Variants in PIK3CB observed in about 807,000 individuals in gnomAD.
PIK3CB encodes the protein phosphatidylinositol 4,5-bisphosphate 3-kinase catalytic subunit beta isoform.
In PIK3CB, 39 loss-of-function variants were observed where a neutral mutation model predicts 136.8. That is an observed-to-expected ratio of 0.29 (90% CI 0.22 to 0.37). PIK3CB has a LOEUF of 0.37. Among genes scored for constraint, PIK3CB ranks in the 10% least tolerant of loss-of-function variants. The pLI, the probability that PIK3CB is intolerant of heterozygous loss-of-function variation, is 1.00. For synonymous variants in PIK3CB, 428 were observed against 436.6 expected, an observed-to-expected ratio of 0.98 and a Z score of 0.25; for missense variants, 868 against 1,275.4, an observed-to-expected ratio of 0.68 and a Z score of 4.87.
intron 19 of PIK3CB, among the ~76,000 whole-genome samples, chr3:138,679,204 A>C (rs1577063433): frequency 6.6e-6 from 1 of 152,246 alleles, no homozygotes; most frequent in Non-Finnish European, 1.5e-5. Flanking sequence ...TGACAAATCA[A>C]AACTGAAGTT....
At chr3:138,767,676 C>T (rs1395555743) in intron 2 of PIK3CB, among the ~76,000 whole-genome samples, 1 of 152,228 alleles carries the variant, frequency 6.6e-6, no homozygotes, top group African/African-American at 2.4e-5. Flanking sequence ...CACAGTCAGA[C>T]TTGCCAGCTG....
At position 138,683,737 on chromosome 3, in the gene PIK3CB, A is replaced by G; in HGVS notation, c.2366T>C (p.Val789Ala). Residue 789 changes from valine (V) to alanine (A), a missense_variant, in exon 18 of 24, where the codon GTA becomes GCA. Around this residue, in one of 4 missense-constraint regions of PIK3CB, gnomAD observed 165 missense variants for 295.4 expected, o/e 0.56. Transcript: ENST00000674063. ...CTCACCAAATACCTTGTTATTGTAT[A>G]CCAGCCACAAAGGCTTCATTTTGGA... is the stretch of plus-strand genomic sequence containing the variant. Reference protein sequence around the residue: ...MDSKMKPLWLVYNNKVFGEDS... With the variant: ...MDSKMKPLWLAYNNKVFGEDS... 1.2e-6 allele frequency: 2 copies of G among 1,605,238 alleles called. No individual in the cohort carries two copies. The highest frequency in any genetic ancestry group is 1.7e-6 in the Non-Finnish European group (2 of 1,175,114).
At chr3:138,799,522 G>A (rs1477881823) in intron 1 of PIK3CB, among the ~76,000 whole-genome samples, 2 of 152,060 alleles carry the variant, frequency 1.3e-5, no homozygotes, top group Non-Finnish European at 2.9e-5. Flanking sequence ...TATCACTGGA[G>A]TGATCTGCTT....
At chr3:138,814,106 G>C (rs973508391) in intron 1 of PIK3CB, among the ~76,000 whole-genome samples, 3 of 152,132 alleles carry the variant, frequency 2.0e-5, no homozygotes, top group Non-Finnish European at 4.4e-5. Flanking sequence ...TGGAGGGACA[G>C]AAAGAAAAGA....
intron 9 of PIK3CB, among the ~76,000 whole-genome samples, chr3:138,713,662 C>T (rs989869794): frequency 6.6e-6 from 1 of 151,964 alleles, no homozygotes; most frequent in Non-Finnish European, 1.5e-5. Context: ...CAGTGTGAGA[C>T]TCTGTCTCAA....
intron 15 of PIK3CB, among the ~76,000 whole-genome samples, chr3:138,690,487 G>A (rs1042433338): frequency 1.3e-5 from 2 of 151,892 alleles, no homozygotes; most frequent in African/African-American, 4.8e-5. Context: ...AGTAAGGTTC[G>A]TGTATTTCTG....
At chr3:138,726,152 A>C (rs1431699314) in intron 8 of PIK3CB, among the ~76,000 whole-genome samples, 1 of 152,230 alleles carries the variant, frequency 6.6e-6, no homozygotes, top group East Asian at 1.9e-4. Context: ...GGCTAATGGA[A>C]TATGCCACTG....
intron 2 of PIK3CB, among the ~76,000 whole-genome samples, chr3:138,764,094 G>C (rs2045697962): frequency 6.7e-6 from 1 of 149,844 alleles, no homozygotes; most frequent in Non-Finnish European, 1.5e-5. Flanking sequence ...CTGGGCGACA[G>C]GGCAAGACTC....
intron 2 of PIK3CB, among the ~76,000 whole-genome samples, chr3:138,790,109 A>G (rs1438086404): frequency 1.3e-5 from 2 of 152,234 alleles, no homozygotes; most frequent in Admixed American, 1.3e-4. Context: ...GATTCCAATT[A>G]TACAAGGCAT....
chr3:138,706,272 A>G (rs1476507016), intron 11 of PIK3CB, among the ~76,000 whole-genome samples: 1 of 152,234 alleles, frequency 6.6e-6, no homozygotes, highest in Non-Finnish European at 1.5e-5. Flanking sequence ...ACCTAAAGAT[A>G]AAATATATGA....
intron 2 of PIK3CB, among the ~76,000 whole-genome samples, chr3:138,765,447 CACAA>C (rs543306379): frequency 1.1e-3 from 171 of 152,242 alleles, no homozygotes; most frequent in African/African-American, 4.0e-3. Context: ...TAAGAAATAT[CACAA>C]ACAGCCTCCG....
At chr3:138,779,881 T>C (rs1340449324) in intron 2 of PIK3CB, among the ~76,000 whole-genome samples, 1 of 152,134 alleles carries the variant, frequency 6.6e-6, no homozygotes, top group African/African-American at 2.4e-5. Context: ...ATAACTTTAG[T>C]ATATCAGCAA....
intron 21 of PIK3CB, among the ~76,000 whole-genome samples, chr3:138,662,642 G>C (rs1023474441): frequency 1.3e-5 from 2 of 150,650 alleles, no homozygotes; most frequent in Admixed American, 1.3e-4. Context: ...TGGGATGGCT[G>C]GGTCAAATGG....
intron 1 of PIK3CB, among the ~76,000 whole-genome samples, chr3:138,811,574 C>T (rs1559887893): frequency 2.0e-5 from 3 of 151,714 alleles, no homozygotes; most frequent in South Asian, 2.1e-4. Flanking sequence ...TACAGGCGCC[C>T]GCGACCACAC....
Position 138,712,324 on chromosome 3 carries a change from T to C in PIK3CB, c.1303-20A>G. 9.0e-7 allele frequency: 1 copy of C among 1,108,154 alleles called. No homozygotes were observed. The highest frequency in any genetic ancestry group is 1.3e-6 in the Non-Finnish European group (1 of 760,200). 68.6% of individuals were successfully genotyped at this position (1,108,154 alleles called of 1,614,324 possible). On this transcript the variant is annotated intron_variant, in intron 9 of 23. Transcript: ENST00000674063. ...ATAATGCTGTTGAAAAAGATACCAT[T>C]GCATAAATATGCTAAGAATAACTTT...
chr3:138,689,260 C>A (rs1411674843), intron 15 of PIK3CB, among the ~76,000 whole-genome samples: 3 of 152,116 alleles, frequency 2.0e-5, no homozygotes, highest in Non-Finnish European at 2.9e-5. Flanking sequence ...TAGGTTCTAG[C>A]CAACAGGATG....
intron 2 of PIK3CB, among the ~76,000 whole-genome samples, chr3:138,786,406 A>G (rs2045982249): frequency 6.6e-6 from 1 of 152,010 alleles, no homozygotes; most frequent in South Asian, 2.1e-4. Context: ...CCCAGGCTGG[A>G]GTATAATGAC....
intron 19 of PIK3CB, among the ~76,000 whole-genome samples, chr3:138,678,993 G>C (rs990224103): frequency 6.6e-6 from 1 of 152,066 alleles, no homozygotes; most frequent in Non-Finnish European, 1.5e-5. Flanking sequence ...TTGAACCCAG[G>C]AGGCAGAGAT....
At chr3:138,702,355 G>C (rs2044273336) in intron 12 of PIK3CB, among the ~76,000 whole-genome samples, 2 of 151,760 alleles carry the variant, frequency 1.3e-5, no homozygotes, top group Non-Finnish European at 2.9e-5. Flanking sequence ...GATTATAGGG[G>C]TGAGCCATCA....
Sources: gnomAD v4.1 joint callset for allele counts (sites outside exome capture counted in the v4.1 genomes callset) on GRCh38, gnomAD v4.1.1 for gene constraint, gnomAD v4.1.1 regional missense constraint, MANE v1.5 for transcripts, NCBI Gene and HGNC (gene_info 2026-07-23, HGNC 2026-07-21) for gene names.